Variants in PARD3 observed in about 807,000 individuals in gnomAD.
PARD3 encodes par-3 family cell polarity regulator.
PARD3 carries 75 observed loss-of-function variants against 155.4 expected under a neutral mutation model. The ratio of observed to expected loss-of-function variants is 0.48; its 90% CI spans 0.40 to 0.58. PARD3 has a LOEUF of 0.58. PARD3 is among the 20% of genes least tolerant of loss of function. PARD3 has a pLI of 0.00. For missense variants in PARD3, 1,642 were observed against 1,721.7 expected (o/e 0.95, Z 0.82); for synonymous variants, 576 against 610.5 (o/e 0.94, Z 0.83).
intron 2 of PARD3, among the ~76,000 whole-genome samples, chr10:34,543,076 G>A (rs1398365744): frequency 1.3e-5 from 2 of 150,720 alleles, no homozygotes; most frequent in African/African-American, 2.4e-5. Context: ...GATCCATAAG[G>A]AATATTCTGA....
intron 2 of PARD3, among the ~76,000 whole-genome samples, chr10:34,549,868 G>A (rs763228566): frequency 6.6e-6 from 1 of 151,952 alleles, no homozygotes; most frequent in Non-Finnish European, 1.5e-5. Context: ...AGGTAAGAAG[G>A]TTCTGATGAC....
intron 1 of PARD3, among the ~76,000 whole-genome samples, chr10:34,724,290 C>T (rs10218857): frequency 0.57 from 86,281 of 151,940 alleles, 25,929 homozygotes; most frequent in Non-Finnish European, 0.67. Flanking sequence ...CTCCATGCAA[C>T]TAAAATAGCC....
chr10:34,617,214 A>ACC (rs1325727646), intron 2 of PARD3, among the ~76,000 whole-genome samples: 1 of 151,974 alleles, frequency 6.6e-6, no homozygotes, highest in Non-Finnish European at 1.5e-5. Flanking sequence ...GAGATCACGC[A>ACC]CCATTACACT....
intron 22 of PARD3, among the ~76,000 whole-genome samples, chr10:34,149,738 T>C (rs1948692146): frequency 6.6e-6 from 1 of 152,178 alleles, no homozygotes; most frequent in South Asian, 2.1e-4. Context: ...TACAAGTATG[T>C]ATATTAAAAA....
chr10:34,301,818 C>CCTT (rs111358425), intron 20 of PARD3, among the ~76,000 whole-genome samples: 1 of 125,870 alleles, frequency 7.9e-6, no homozygotes, highest in Non-Finnish European at 1.6e-5. Context: ...TTTCTCCTTT[C>CCTT]TTTTTTTTTT....
chr10:34,169,899 G>A (rs1365117687), intron 22 of PARD3, among the ~76,000 whole-genome samples: 1 of 152,110 alleles, frequency 6.6e-6, no homozygotes, highest in Admixed American at 6.5e-5. Flanking sequence ...TGCCCTGCAG[G>A]ATGTATCTGC....
At chr10:34,757,935 G>C (rs1836961255) in intron 1 of PARD3, among the ~76,000 whole-genome samples, 1 of 152,138 alleles carries the variant, frequency 6.6e-6, no homozygotes, top group Non-Finnish European at 1.5e-5. Flanking sequence ...CTCTCTTCTA[G>C]ATAAACCTGC....
intron 3 of PARD3, among the ~76,000 whole-genome samples, chr10:34,513,484 T>C (rs544512705): frequency 1.3e-5 from 2 of 152,340 alleles, no homozygotes; most frequent in East Asian, 3.9e-4. Flanking sequence ...GGTTTCACCA[T>C]GTTGGCCAGG....
chr10:34,199,468 G>A (rs1253065012), intron 22 of PARD3, among the ~76,000 whole-genome samples: 1 of 152,086 alleles, frequency 6.6e-6, no homozygotes, highest in Non-Finnish European at 1.5e-5. Flanking sequence ...ATCCCCAGTG[G>A]CTGGTCAGTG....
At chr10:34,548,955 A>G (rs1160348177) in intron 2 of PARD3, among the ~76,000 whole-genome samples, 2 of 152,222 alleles carry the variant, frequency 1.3e-5, no homozygotes, top group African/African-American at 4.8e-5. Context: ...GCCAGGTCCA[A>G]ACAAATCAAA....
rs554106563 is a variant in PARD3 at position 34,356,330 on chromosome 10, T to C, written c.2067+2817A>G. On this transcript the variant is annotated intron_variant, in intron 14 of 24. Transcript: ENST00000374788. Reference sequence around the variant, plus strand: ...ACTTTGGCAAGCTGAGGCCAGGAGTTGGAGAACAGCCTGGACAACATAGCA... The same window carrying C: ...ACTTTGGCAAGCTGAGGCCAGGAGTCGGAGAACAGCCTGGACAACATAGCA... 2.6e-5 allele frequency among the ~76,000 whole-genome samples: 4 copies of C among 152,268 alleles called. No homozygotes were observed. The East Asian group carries it at 7.7e-4, about 29-fold the overall frequency.
chr10:34,746,324 C>G (rs1835329243), intron 1 of PARD3, among the ~76,000 whole-genome samples: 1 of 151,746 alleles, frequency 6.6e-6, no homozygotes, highest in Non-Finnish European at 1.5e-5. Context: ...CAGCACACAC[C>G]TACAGTCACC....
intron 2 of PARD3, among the ~76,000 whole-genome samples, chr10:34,557,020 A>G (rs1431327942): frequency 6.6e-6 from 1 of 152,134 alleles, no homozygotes; most frequent in Non-Finnish European, 1.5e-5. Context: ...TGCTGGGGTT[A>G]TATGTTCTTC....
At chr10:34,517,454 A>T (rs1009104135) in intron 2 of PARD3, among the ~76,000 whole-genome samples, 1 of 152,226 alleles carries the variant, frequency 6.6e-6, no homozygotes, top group East Asian at 1.9e-4. Context: ...CTTCTTAAAA[A>T]TATAGGATAT....
intron 22 of PARD3, among the ~76,000 whole-genome samples, chr10:34,144,113 T>C (rs941529852): frequency 2.6e-5 from 4 of 152,202 alleles, no homozygotes; most frequent in Non-Finnish European, 4.4e-5. Context: ...GAGTTATTGA[T>C]AGATTTTGAA....
At chr10:34,791,811 G>C (rs1841663704) in intron 1 of PARD3, among the ~76,000 whole-genome samples, 1 of 150,798 alleles carries the variant, frequency 6.6e-6, no homozygotes, top group Non-Finnish European at 1.5e-5. Context: ...CTGCACCCTA[G>C]CTAAGGAGAC....
intron 1 of PARD3, among the ~76,000 whole-genome samples, chr10:34,778,330 T>A (rs987920794): frequency 3.3e-5 from 5 of 152,136 alleles, no homozygotes; most frequent in African/African-American, 1.2e-4. Context: ...AGGACAGAAA[T>A]GAGGCAAAGG....
chr10:34,273,569 G>C (rs1247702999), intron 21 of PARD3, among the ~76,000 whole-genome samples: 1 of 152,166 alleles, frequency 6.6e-6, no homozygotes, highest in Non-Finnish European at 1.5e-5. Context: ...TGATGACACA[G>C]AACTACACAC....
intron 22 of PARD3, among the ~76,000 whole-genome samples, chr10:34,182,142 GGGA>G (rs1413130905): frequency 6.6e-6 from 1 of 152,142 alleles, no homozygotes; most frequent in African/African-American, 2.4e-5. Flanking sequence ...TTGTCTTGCT[GGGA>G]GGAGGAGTCC....
Sources: gnomAD v4.1 joint callset for allele counts (sites outside exome capture counted in the v4.1 genomes callset) on GRCh38, gnomAD v4.1.1 for gene constraint, MANE v1.5 for transcripts, NCBI Gene and HGNC (gene_info 2026-07-23, HGNC 2026-07-21) for gene names.